MAP3K13: variants seen among roughly 807,000 people sequenced by gnomAD.
MAP3K13 encodes leucine zipper-bearing kinase.
Under a neutral mutation model 104.0 loss-of-function variants are expected in MAP3K13, and 52 were observed. The observed-to-expected ratio is 0.50, with a 90% CI of 0.40 to 0.63. The LOEUF (loss-of-function observed/expected upper bound fraction) is 0.63. MAP3K13 is among the 20% of genes least tolerant of loss of function. The pLI is 0.00. For synonymous variants in MAP3K13, 394 were observed against 442.2 expected, an observed-to-expected ratio of 0.89 and a Z score of 1.37; for missense variants, 914 against 1,218.5, an observed-to-expected ratio of 0.75 and a Z score of 3.72.
At chr3:185,329,893 C>CTTTTTTTTTTT (rs71162293) in intron 2 of MAP3K13, among the ~76,000 whole-genome samples, 1 of 104,662 alleles carries the variant, frequency 9.6e-6, no homozygotes, top group Non-Finnish European at 1.8e-5. Context: ...AGCCAGTAGC[C>CTTTTTTTTTTT]TTTTTTTTTT....
intron 1 of MAP3K13, among the ~76,000 whole-genome samples, chr3:185,402,848 C>T (rs1295805728): frequency 6.6e-6 from 1 of 152,282 alleles, no homozygotes; most frequent in East Asian, 1.9e-4. Flanking sequence ...ATTCCAAGGG[C>T]TTTCCCCAGT....
chr3:185,291,290 G>A (rs1433083302), intron 2 of MAP3K13, among the ~76,000 whole-genome samples: 1 of 152,096 alleles, frequency 6.6e-6, no homozygotes, highest in Non-Finnish European at 1.5e-5. Flanking sequence ...AGAGATCAAA[G>A]ACATACAATA....
Position 185,443,638 on chromosome 3 carries a change from T to C in MAP3K13, c.851+2T>C. On this transcript the variant is annotated splice_donor_variant, in intron 4 of 13. Coordinates refer to ENST00000265026, the MANE Select transcript of MAP3K13 (RefSeq NM_004721.5). LOFTEE classifies it high-confidence loss of function. The stretch of plus-strand genomic sequence containing the variant: ...TCATCGTGATCTCAAATCACCTAAG[T>C]GAGTTCTGGGGCTAATGTTTCAGCT... 5 of 1,611,502 alleles carry C rather than the reference T, an allele frequency of 3.1e-6. No homozygotes were observed. Among genetic ancestry groups the C allele is most frequent in the Non-Finnish European group, 4.2e-6 (5 of 1,177,944 alleles).
At chr3:185,307,546 C>CCCCCCCCCCCCCCCCCCCCCCCA (rs58408265) in intron 2 of MAP3K13, among the ~76,000 whole-genome samples, 105 of 104,008 alleles carry the variant, frequency 1.0e-3, no homozygotes, top group South Asian at 1.2e-3. Context: ...GCACCACCCC[C>CCCCCCCCCCCCCCCCCCCCCCCA]TCCCCCGCCA....
At chr3:185,415,577 C>CT (rs869297992) in intron 1 of MAP3K13, among the ~76,000 whole-genome samples, 2,887 of 72,852 alleles carry the variant, frequency 0.04, 52 homozygotes, top group African/African-American at 0.061. Flanking sequence ...GGGTTAATTT[C>CT]TTTTTTTTTT....
At chr3:185,311,984 GT>G (rs1721510649) in intron 2 of MAP3K13, among the ~76,000 whole-genome samples, 1 of 152,240 alleles carries the variant, frequency 6.6e-6, no homozygotes, top group Non-Finnish European at 1.5e-5. Flanking sequence ...TTGAATATAA[GT>G]TGTGAAACTT....
In MAP3K13 at chr3:185,466,983, G is replaced by A. The variant is rs757019611; in HGVS notation, c.1643+20G>A. ...CAAACGGTGAGACACCTGTACAAAC[G>A]CAGTATTCAGATAAATAGGGAAAGA... On this transcript the variant is annotated intron_variant, in intron 10 of 13. Transcript: ENST00000265026. The A allele has an allele frequency of 6.2e-6, 10 of 1,613,518 alleles. No homozygotes were observed. Among genetic ancestry groups the A allele is most frequent in the East Asian group, 2.2e-5 (1 of 44,884 alleles).
At chr3:185,320,988 T>C (rs533291632) in intron 2 of MAP3K13, among the ~76,000 whole-genome samples, 3 of 152,192 alleles carry the variant, frequency 2.0e-5, no homozygotes, top group East Asian at 3.9e-4. Flanking sequence ...CATGTGTGTG[T>C]GCGTGCATAT....
intron 1 of MAP3K13, among the ~76,000 whole-genome samples, chr3:185,406,594 G>A (rs1281637201): frequency 6.6e-6 from 1 of 152,090 alleles, no homozygotes; most frequent in East Asian, 1.9e-4. Flanking sequence ...TAGGCTAAGG[G>A]AAAAAGCCAC....
intron 2 of MAP3K13, among the ~76,000 whole-genome samples, chr3:185,294,970 T>G (rs948735424): frequency 6.6e-6 from 1 of 152,192 alleles, no homozygotes; most frequent in Non-Finnish European, 1.5e-5. Flanking sequence ...TCTTCAATGG[T>G]TTTTTGTATT....
At chr3:185,465,705 C>A in intron 8 of MAP3K13, 42 bp from the exon 9 acceptor site, 2 of 1,413,474 alleles carry the variant, frequency 1.4e-6, no homozygotes, top group Non-Finnish European at 2.0e-6. Flanking sequence ...TTTTTTCTCC[C>A]GAAGTTGGTT....
chr3:185,374,314 T>G (rs773112916), intron 1 of MAP3K13, among the ~76,000 whole-genome samples: 17 of 151,138 alleles, frequency 1.1e-4, no homozygotes, highest in Non-Finnish European at 2.4e-4. Context: ...TTTTTGGGGG[T>G]TGTATGGAGA....
chr3:185,385,891 T>C (rs990585302), intron 1 of MAP3K13, among the ~76,000 whole-genome samples: 3 of 151,964 alleles, frequency 2.0e-5, no homozygotes, highest in Non-Finnish European at 4.4e-5. Flanking sequence ...TAGTCCAACG[T>C]ACTCAGGAGG....
chr3:185,308,124 C>T (rs1265474004), intron 2 of MAP3K13, among the ~76,000 whole-genome samples: 4 of 150,172 alleles, frequency 2.7e-5, no homozygotes, highest in Admixed American at 6.7e-5. Flanking sequence ...AAAACAGCCA[C>T]GCTCCCAGTC....
At chr3:185,349,565 G>A (rs1723063088) in intron 2 of MAP3K13, among the ~76,000 whole-genome samples, 1 of 152,146 alleles carries the variant, frequency 6.6e-6, no homozygotes, top group Non-Finnish European at 1.5e-5. Flanking sequence ...GTCTGGAGTG[G>A]TTTTCAAAAA....
chr3:185,481,998 C>T (rs555693973), intron 13 of MAP3K13, among the ~76,000 whole-genome samples: 8 of 152,322 alleles, frequency 5.3e-5, no homozygotes, highest in Admixed American at 1.3e-4. Flanking sequence ...GCAGGAGAAT[C>T]GCTTGAATCC....
chr3:185,311,201 C>G (rs1312907918), intron 2 of MAP3K13, among the ~76,000 whole-genome samples: 3 of 152,160 alleles, frequency 2.0e-5, no homozygotes, highest in Non-Finnish European at 4.4e-5. Context: ...CTAATAAAGA[C>G]ATACCTAAGA....
chr3:185,361,423 C>T (rs1252374533), upstream of MAP3K13, among the ~76,000 whole-genome samples: 1 of 148,370 alleles, frequency 6.7e-6, no homozygotes, highest in African/African-American at 2.5e-5. Flanking sequence ...TTCTTTGAGA[C>T]GGAGTCTTGC....
At chr3:185,309,470 C>T (rs1474685834) in intron 2 of MAP3K13, among the ~76,000 whole-genome samples, 4 of 148,282 alleles carry the variant, frequency 2.7e-5, no homozygotes, top group African/African-American at 7.5e-5. Context: ...AGAGATCACA[C>T]CACTGCACTC....
Sources: gnomAD v4.1 joint callset for allele counts (sites outside exome capture counted in the v4.1 genomes callset) on GRCh38, gnomAD v4.1.1 for gene constraint, MANE v1.5 for transcripts, NCBI Gene and HGNC (gene_info 2026-07-23, HGNC 2026-07-21) for gene names.